MARCHF10: variants seen among roughly 807,000 people sequenced by gnomAD.
MARCHF10 encodes the protein probable E3 ubiquitin-protein ligase MARCHF10.
MARCHF10 carries 64 observed loss-of-function variants against 76.2 expected under a neutral mutation model. The observed-to-expected ratio is 0.84, with a 90% CI of 0.69 to 1.03. The LOEUF (loss-of-function observed/expected upper bound fraction) is 1.03. MARCHF10 is among the 50% of genes least tolerant of loss of function. The pLI, the probability that MARCHF10 is intolerant of heterozygous loss-of-function variation, is 0.00. For synonymous variants in MARCHF10, 340 were observed against 357.5 expected (o/e 0.95, Z 0.55); for missense variants, 875 against 958.0 (o/e 0.91, Z 1.14).
chr17:62,779,028 G>C (rs144835528), intron 3 of MARCHF10, among the ~76,000 whole-genome samples: 1 of 152,326 alleles, frequency 6.6e-6, no homozygotes, highest in African/African-American at 2.4e-5. Flanking sequence ...ATCTGCACTT[G>C]TCAAACCGTG....
intron 6 of MARCHF10, among the ~76,000 whole-genome samples, chr17:62,732,992 C>CAAAAAAAAAA (rs398041783): frequency 1.1e-4 from 7 of 66,538 alleles, no homozygotes; most frequent in African/African-American, 1.6e-4. Flanking sequence ...GACTCAGTCT[C>CAAAAAAAAAA]AAAAAAAAAA....
At position 62,735,868 on chromosome 17, in the gene MARCHF10, A is replaced by G. The variant is rs1471547477; in HGVS notation, c.1937+63T>C. ...TTAAAATTCCCATGGCTCTCTAACG[A>G]AAGCAATGCTAATTTTGGCCTTGGG... On this transcript the variant is annotated intron_variant, in intron 6 of 10. Coordinates refer to ENST00000311269, the MANE Select transcript of MARCHF10 (RefSeq NM_152598.4). The G allele has an allele frequency of 3.4e-6, 5 of 1,486,414 alleles. No homozygotes were observed. In the East Asian group the frequency reaches 1.1e-4, roughly 34 times the overall value. The allele number at this position is 1,486,414 out of a possible 1,614,324, so 92.1% of individuals were successfully genotyped here.
chr17:62,807,584 G>A (rs917950770), intron 1 of MARCHF10, among the ~76,000 whole-genome samples: 1 of 151,934 alleles, frequency 6.6e-6, no homozygotes, highest in Non-Finnish European at 1.5e-5. Flanking sequence ...GAAACATAAC[G>A]AGACCCCTTC....
Position 62,711,904 on chromosome 17 carries a change from T to C in MARCHF10, c.2215-560A>G, listed in dbSNP as rs2089952546. Among the ~76,000 whole-genome samples the C allele has an allele frequency of 6.6e-6, 1 of 152,222 alleles. No individual in the cohort carries two copies. Among genetic ancestry groups the C allele is most frequent in the Non-Finnish European group, 1.5e-5 (1 of 68,042 alleles). Reference sequence around the variant, plus strand: ...AGTCCCTAAGCATTCGTCTTGATCTTGCATATCACCTTTTGCACTTGTTAA... The same window carrying C: ...AGTCCCTAAGCATTCGTCTTGATCTCGCATATCACCTTTTGCACTTGTTAA... On this transcript the variant is annotated intron_variant, in intron 8 of 10. Coordinates refer to ENST00000311269, the MANE Select transcript of MARCHF10 (RefSeq NM_152598.4). This position sits in a 1 kb window ranked among gnomAD's most constrained non-coding sequence, Gnocchi z 4.4.
chr17:62,786,707 T>C (rs541735613), intron 3 of MARCHF10, among the ~76,000 whole-genome samples: 22 of 152,292 alleles, frequency 1.4e-4, no homozygotes, highest in Admixed American at 5.9e-4. Context: ...ATAATTTGTA[T>C]AGCAGGAAGA....
intron 8 of MARCHF10, among the ~76,000 whole-genome samples, chr17:62,720,020 TTTTC>T (rs1462844084): frequency 6.6e-6 from 1 of 152,258 alleles, no homozygotes; most frequent in African/African-American, 2.4e-5. Context: ...TATCATTTCT[TTTTC>T]TTTCTTAGAA....
chr17:62,775,300 AT>A (rs2092530630), intron 3 of MARCHF10, among the ~76,000 whole-genome samples: 1 of 151,642 alleles, frequency 6.6e-6, no homozygotes, highest in African/African-American at 2.4e-5. Context: ...TTATTTTTGT[AT>A]TTTTAGTAGA....
intron 2 of MARCHF10, among the ~76,000 whole-genome samples, chr17:62,796,883 C>G (rs138775549): frequency 6.4e-4 from 97 of 152,220 alleles, no homozygotes; most frequent in African/African-American, 2.3e-3. Context: ...GTTCCAGCCA[C>G]TCAGGAGGCT....
At chr17:62,805,903 A>G (rs1255731397) in intron 1 of MARCHF10, among the ~76,000 whole-genome samples, 1 of 64,328 alleles carries the variant, frequency 1.6e-5, no homozygotes, top group Non-Finnish European at 2.9e-5. Flanking sequence ...CCATCCCCTC[A>G]AAAATAAAAA....
At chr17:62,729,878 A>G (rs1415360303) in intron 6 of MARCHF10, among the ~76,000 whole-genome samples, 3 of 138,026 alleles carry the variant, frequency 2.2e-5, no homozygotes, top group Admixed American at 7.8e-5. Context: ...TCAGCCCTCA[A>G]ATATTTTTAA....
intron 5 of MARCHF10, among the ~76,000 whole-genome samples, chr17:62,743,153 A>G (rs539107360): frequency 2.0e-5 from 3 of 152,330 alleles, no homozygotes; most frequent in Non-Finnish European, 2.9e-5. Flanking sequence ...AGCACCCAAG[A>G]TGCCATTGCT....
In MARCHF10 at chr17:62,762,869, C is replaced by T. The variant is rs146597261; in HGVS notation, c.211-2863G>A. Among the ~76,000 whole-genome samples, 827 of 152,298 alleles carry T rather than the reference C, an allele frequency of 5.4e-3. 8 individuals carry two copies. The highest frequency in any genetic ancestry group is 8.2e-3 in the Non-Finnish European group (560 of 68,030). On this transcript the variant is annotated intron_variant, in intron 3 of 10. Transcript: ENST00000311269. Reference sequence around the variant, plus strand: ...CCTATCCTCTTTCATGAAACCCCATCGTATCACGCAGGGAGGATCGTCCTT... The same window carrying T: ...CCTATCCTCTTTCATGAAACCCCATTGTATCACGCAGGGAGGATCGTCCTT...
rs138751879 is a variant in MARCHF10, at chr17:62,807,411, C to G, written c.-18+666G>C. ...AACAGACTTGTGTTTGGCGGTGACTCTTCATTTTACTGTGAAACTAGGAGA... is the reference window on the plus strand; with the variant it reads ...AACAGACTTGTGTTTGGCGGTGACTGTTCATTTTACTGTGAAACTAGGAGA... On this transcript the variant is annotated intron_variant, in intron 1 of 10. Transcript: ENST00000311269. Among the ~76,000 whole-genome samples the G allele has an allele frequency of 3.0e-4, 45 of 152,132 alleles. 1 individual carries two copies. In the East Asian group the frequency reaches 8.7e-3, roughly 29 times the overall value.
intron 4 of MARCHF10, among the ~76,000 whole-genome samples, chr17:62,752,080 TC>T (rs1389041814): frequency 6.6e-6 from 1 of 151,478 alleles, no homozygotes; most frequent in African/African-American, 2.4e-5. Flanking sequence ...GGGGTCTCAG[TC>T]CTTAGTGCCA....
At chr17:62,774,184 GA>G (rs1454812177) in intron 3 of MARCHF10, among the ~76,000 whole-genome samples, 1 of 152,172 alleles carries the variant, frequency 6.6e-6, no homozygotes, top group Non-Finnish European at 1.5e-5. Context: ...TTTTGGAGAT[GA>G]AATTCTTTTG....
chr17:62,714,274 A>G (rs1461074023), intron 8 of MARCHF10: 1 of 509,986 alleles, frequency 2.0e-6, no homozygotes, highest in Non-Finnish European at 2.5e-6. Flanking sequence ...TGGGCAGTGC[A>G]GGGCCACCGG....
At chr17:62,786,844 G>C (rs890168674) in intron 3 of MARCHF10, among the ~76,000 whole-genome samples, 1 of 152,156 alleles carries the variant, frequency 6.6e-6, no homozygotes, top group Non-Finnish European at 1.5e-5. Flanking sequence ...GACTGTGCAC[G>C]TGAGCCTCTG....
chr17:62,771,395 A>C (rs2148013192), intron 3 of MARCHF10, among the ~76,000 whole-genome samples: 1 of 151,982 alleles, frequency 6.6e-6, no homozygotes, highest in South Asian at 2.1e-4. Context: ...GTGCTCTATC[A>C]GGAGGTGGCC....
chr17:62,722,559 T>TA lies in MARCHF10; in HGVS notation c.2142dup (p.Lys715Ter). 6.2e-7 allele frequency: 1 copy of TA among 1,614,032 alleles called. No homozygotes were observed. On this transcript the variant is annotated frameshift_variant, in exon 8 of 11. Coordinates refer to ENST00000311269, the MANE Select transcript of MARCHF10 (RefSeq NM_152598.4). LOFTEE classifies it high-confidence loss of function. Reference sequence around the variant, plus strand: ...CCCAGGTCAACCAGCAGGCCTTGCTTACACATCTCACAGGTCTTCACGGCA... The same window carrying TA: ...CCCAGGTCAACCAGCAGGCCTTGCTTAACACATCTCACAGGTCTTCACGGCA...
Sources: gnomAD v4.1 joint callset for allele counts (sites outside exome capture counted in the v4.1 genomes callset) on GRCh38, gnomAD v4.1.1 for gene constraint, Gnocchi (gnomAD v3.1) non-coding constraint, MANE v1.5 for transcripts, NCBI Gene and HGNC (gene_info 2026-07-23, HGNC 2026-07-21) for gene names.